The following CNTNAP2 variants were observed in gnomAD, a reference collection of about 807,000 sequenced individuals.
CNTNAP2 encodes the protein contactin-associated protein-like 2.
A neutral mutation model predicts 155.2 loss-of-function variants in CNTNAP2; 98 were observed. The ratio of observed to expected loss-of-function variants is 0.63; its 90% CI spans 0.54 to 0.75. CNTNAP2 has a LOEUF of 0.75. Ranked by LOEUF, CNTNAP2 falls within the 30% of genes least tolerant of loss-of-function variation. CNTNAP2 has a pLI of 0.00. For missense variants in CNTNAP2, 1,727 were observed against 1,688.1 expected (o/e 1.02, Z -0.40); for synonymous variants, 651 against 631.2 (o/e 1.03, Z -0.47).
chr7:147,394,783 T>C (rs1010856852), intron 9 of CNTNAP2, among the ~76,000 whole-genome samples: 7 of 150,766 alleles, frequency 4.6e-5, no homozygotes, highest in African/African-American at 1.7e-4. Context: ...GTGGGCATTC[T>C]ATTTCCTAAT....
At chr7:147,067,724 G>T (rs183243043) in intron 4 of CNTNAP2, among the ~76,000 whole-genome samples, 3 of 152,180 alleles carry the variant, frequency 2.0e-5, no homozygotes, top group East Asian at 3.9e-4. Flanking sequence ...ATGAAACAAA[G>T]AAATTCTTCA....
At chr7:148,012,348 T>C (rs1802095995) in intron 15 of CNTNAP2, among the ~76,000 whole-genome samples, 1 of 152,222 alleles carries the variant, frequency 6.6e-6, no homozygotes, top group South Asian at 2.1e-4. Flanking sequence ...TCAGAACCCC[T>C]AGTCTGTCAT....
intron 1 of CNTNAP2, among the ~76,000 whole-genome samples, chr7:146,349,894 C>A (rs942403347): frequency 6.6e-6 from 1 of 151,976 alleles, no homozygotes; most frequent in African/African-American, 2.4e-5. Context: ...CTCTGGCTAC[C>A]CTTAACATTT....
chr7:147,636,424 C>CT (rs113776095), intron 12 of CNTNAP2, among the ~76,000 whole-genome samples: 2 of 145,444 alleles, frequency 1.4e-5, no homozygotes, highest in Non-Finnish European at 2.9e-5. Context: ...TTAACTTTTA[C>CT]TTTTTTATTT....
intron 1 of CNTNAP2, among the ~76,000 whole-genome samples, chr7:146,525,576 CTCTCT>C (rs1797678842): frequency 1.2e-4 from 16 of 132,332 alleles, no homozygotes; most frequent in African/African-American, 6.6e-4. Context: ...ATCTATCTAT[CTCTCT>C]ATCTATCATC....
intron 9 of CNTNAP2, among the ~76,000 whole-genome samples, chr7:147,315,663 G>T (rs1036357909): frequency 7.9e-5 from 12 of 151,906 alleles, no homozygotes; most frequent in African/African-American, 2.9e-4. Context: ...TGTATTTTTA[G>T]TAGAGATGGC....
At chr7:147,032,347 T>C (rs1304409128) in intron 3 of CNTNAP2, among the ~76,000 whole-genome samples, 1 of 152,222 alleles carries the variant, frequency 6.6e-6, no homozygotes, top group Non-Finnish European at 1.5e-5. Flanking sequence ...GTGGCACATA[T>C]TCCAGTCTCT....
chr7:148,062,004 T>G (rs1393192502), intron 15 of CNTNAP2, among the ~76,000 whole-genome samples: 1,140 of 98,456 alleles, frequency 0.012, 67 homozygotes, highest in African/African-American at 0.049. Flanking sequence ...GATAGATAGA[T>G]AGATGATAGA....
At chr7:148,107,320 C>T (rs984470083) in intron 15 of CNTNAP2, among the ~76,000 whole-genome samples, 13 of 152,116 alleles carry the variant, frequency 8.5e-5, no homozygotes, top group Non-Finnish European at 1.5e-4. Flanking sequence ...CTCTGTGGGA[C>T]CCCATCCCCA....
chr7:146,644,277 T>C lies in CNTNAP2; in HGVS notation c.98-129994T>C, dbSNP rs928278830. Among the ~76,000 whole-genome samples, 3 of 152,204 alleles carry C rather than the reference T, an allele frequency of 2.0e-5. 1 individual carries two copies. The highest frequency in any genetic ancestry group is 4.4e-5 in the Non-Finnish European group (3 of 68,042). On this transcript the variant is annotated intron_variant, in intron 1 of 23. Transcript: ENST00000361727. ...TCCAGTTTTTGCCCATTCAGTATGA[T>C]ATTGGCTGTGGGTTTGTCATAGACA... is the stretch of plus-strand genomic sequence containing the variant.
At chr7:146,391,521 G>A (rs1187370360) in intron 1 of CNTNAP2, among the ~76,000 whole-genome samples, 3 of 152,098 alleles carry the variant, frequency 2.0e-5, no homozygotes, top group Admixed American at 1.3e-4. Context: ...TTATTAAATG[G>A]AAGTCAAATA....
chr7:148,318,110 G>A (rs879627343), intron 21 of CNTNAP2, among the ~76,000 whole-genome samples: 4 of 152,156 alleles, frequency 2.6e-5, no homozygotes, highest in Non-Finnish European at 5.9e-5. Context: ...CTTTTCTTGG[G>A]AGGTTGGCTG....
chr7:147,679,813 G>A (rs1055205672), intron 13 of CNTNAP2, among the ~76,000 whole-genome samples: 1 of 151,898 alleles, frequency 6.6e-6, no homozygotes, highest in South Asian at 2.1e-4. Context: ...ATCACGTCAG[G>A]ATCATAATAT....
chr7:147,641,733 A>G (rs574596423), intron 13 of CNTNAP2, among the ~76,000 whole-genome samples: 24 of 152,218 alleles, frequency 1.6e-4, no homozygotes, highest in Admixed American at 5.2e-4. Flanking sequence ...GTGAGGGCAT[A>G]GCAAAAAGGC....
chr7:146,521,257 A>G (rs903223148), intron 1 of CNTNAP2, among the ~76,000 whole-genome samples: 4 of 151,950 alleles, frequency 2.6e-5, no homozygotes, highest in African/African-American at 9.7e-5. Context: ...GAGCAGACAC[A>G]CACAATACAT....
chr7:146,823,874 A>ATTT (rs1017336213), intron 2 of CNTNAP2, among the ~76,000 whole-genome samples: 1 of 151,878 alleles, frequency 6.6e-6, no homozygotes, highest in African/African-American at 2.4e-5. Context: ...ACAGACATAT[A>ATTT]TTTTTTTAAA....
chr7:146,913,672 C>A (rs977453978), intron 3 of CNTNAP2, among the ~76,000 whole-genome samples: 1 of 152,022 alleles, frequency 6.6e-6, no homozygotes, highest in African/African-American at 2.4e-5. Flanking sequence ...GGCTCTACCC[C>A]CATGACTTCA....
rs200361603 is a variant in CNTNAP2 at position 147,762,726 on chromosome 7, GGGGA to G, written c.2098+123435_2098+123438del. On this transcript the variant is annotated intron_variant, in intron 13 of 23. Coordinates refer to ENST00000361727, the MANE Select transcript of CNTNAP2 (RefSeq NM_014141.6). ...GAAGAATAGATGGATGTATAAGTGG[GGGGA>G]GGGAGGGAGGGAGGAAGGAAGGAGG... Among the ~76,000 whole-genome samples, 142 of 150,012 alleles carry G rather than the reference GGGGA, an allele frequency of 9.5e-4. 1 individual carries two copies. In the East Asian group the frequency reaches 0.017, roughly 18 times the overall value.
chr7:147,061,815 A>G (rs111366001), intron 4 of CNTNAP2, among the ~76,000 whole-genome samples: 7,881 of 151,218 alleles, frequency 0.052, no homozygotes, highest in African/African-American at 0.16. Context: ...TATACTTAGT[A>G]TTCGGATACT....
Sources: allele counts gnomAD v4.1 joint callset (sites outside exome capture counted in the v4.1 genomes callset), GRCh38; gene constraint gnomAD v4.1.1; transcripts MANE v1.5; gene names NCBI Gene and HGNC (gene_info 2026-07-23, HGNC 2026-07-21).